The following RSPH10B variants were observed in gnomAD, a reference collection of about 807,000 sequenced individuals.
The protein encoded by RSPH10B is radial spoke head 10 homolog B (Chlamydomonas).
A neutral mutation model predicts 52.5 loss-of-function variants in RSPH10B; 7 were observed. The ratio of observed to expected loss-of-function variants is 0.13; its 90% CI spans 0.08 to 0.25. The LOEUF is 0.25. Among genes scored for constraint, RSPH10B ranks in the 10% least tolerant of loss-of-function variants. The pLI, the probability that RSPH10B is intolerant of heterozygous loss-of-function variation, is 1.00. For synonymous variants in RSPH10B, 28 were observed against 193.2 expected (o/e 0.14, Z 7.09); for missense variants, 89 against 542.5 (o/e 0.16, Z 8.30).
intron 15 of RSPH10B, among the ~76,000 whole-genome samples, chr7:5,937,105 A>AAAT (rs1779961525): frequency 2.3e-5 from 1 of 44,388 alleles, no homozygotes; most frequent in East Asian, 6.4e-3. Flanking sequence ...AAAAAAAAAA[A>AAAT]GAATTAGCTG....
At chr7:5,952,859 C>A (rs1780604519) in intron 8 of RSPH10B, among the ~76,000 whole-genome samples, 1 of 96,900 alleles carries the variant, frequency 1.0e-5, no homozygotes, top group Non-Finnish European at 1.9e-5. Context: ...CCTGCCTCAG[C>A]CTCCTGAGTA....
intron 16 of RSPH10B, among the ~76,000 whole-genome samples, chr7:5,933,254 G>A (rs1779863825): frequency 1.4e-5 from 1 of 69,308 alleles, no homozygotes; most frequent in African/African-American, 5.2e-5. Context: ...CTGACCTCAG[G>A]TGACCTGCCT....
At chr7:5,947,963 C>T (rs1157751376) in intron 10 of RSPH10B, among the ~76,000 whole-genome samples, 535 of 49,296 alleles carry the variant, frequency 0.011, 13 homozygotes, top group Non-Finnish European at 0.018. Flanking sequence ...CCTCCGCCTC[C>T]TGGGTCCAAG....
In RSPH10B at chr7:5,927,805, G is replaced by A. The variant is rs1779581368; in HGVS notation, c.2432+391C>T. On this transcript the variant is annotated intron_variant, in intron 18 of 18. Coordinates refer to ENST00000337579, the Ensembl canonical transcript of RSPH10B. ...ACAAAAATTAGCCAGGCGTGGTGGTGCATGCTTCTAATCCCAGCTGCTCGG... is the reference window on the plus strand; with the variant it reads ...ACAAAAATTAGCCAGGCGTGGTGGTACATGCTTCTAATCCCAGCTGCTCGG... Among the ~76,000 whole-genome samples, 2 of 146,216 alleles carry A rather than the reference G, an allele frequency of 1.4e-5. 1 individual carries two copies. The highest frequency in any genetic ancestry group is 3.0e-5 in the Non-Finnish European group (2 of 66,318).
At chr7:5,954,284 G>C (rs1173544178) in intron 7 of RSPH10B, among the ~76,000 whole-genome samples, 137 of 48,316 alleles carry the variant, frequency 2.8e-3, no homozygotes, top group African/African-American at 0.012. Flanking sequence ...GATTACATGC[G>C]TGCACCACCA....
intron 13 of RSPH10B, among the ~76,000 whole-genome samples, chr7:5,941,689 A>C (rs1210795289): frequency 7.2e-6 from 1 of 139,860 alleles, no homozygotes; most frequent in Non-Finnish European, 1.6e-5. Flanking sequence ...GGTTGCAGTG[A>C]GCCGAGACCT....
intron 13 of RSPH10B, among the ~76,000 whole-genome samples, chr7:5,942,240 GTGTTCCTCCATTTTCCT>G (rs1780232330): frequency 7.1e-6 from 1 of 141,540 alleles, no homozygotes; most frequent in African/African-American, 2.6e-5. Flanking sequence ...AAAGACTAAG[GTGTTCCTCCATTTTCCT>G]TTTTTGTTTT....
chr7:5,960,498 C>T (rs1397979832), intron 4 of RSPH10B, among the ~76,000 whole-genome samples, 193 bp downstream of exon 6: 1 of 27,684 alleles, frequency 3.6e-5, no homozygotes, highest in South Asian at 1.1e-3. Context: ...CCCTGGACAG[C>T]GCCGCTAGCC....
chr7:5,970,393 G>A (rs1464809536), upstream of RSPH10B: 1 of 119,434 alleles, frequency 8.4e-6, no homozygotes, highest in Non-Finnish European at 1.9e-5. Context: ...GTTTCCTAAT[G>A]TTTCCTCTGT....
intron 18 of RSPH10B, among the ~76,000 whole-genome samples, chr7:5,927,066 G>GTGTATATA (rs1554284543): frequency 1.5e-3 from 159 of 107,240 alleles, no homozygotes; most frequent in African/African-American, 4.0e-3. Flanking sequence ...GTGTGTGTGT[G>GTGTATATA]TATATGTGTG....
At chr7:5,961,172 A>G (rs1362237416) in intron 3 of RSPH10B, among the ~76,000 whole-genome samples, 1 of 121,278 alleles carries the variant, frequency 8.2e-6, no homozygotes, top group African/African-American at 3.1e-5. Context: ...TCCAATCCTG[A>G]CCTGGGGAAC....
At chr7:5,932,081 A>C (rs1316715732) in intron 17 of RSPH10B, among the ~76,000 whole-genome samples, 1 of 141,406 alleles carries the variant, frequency 7.1e-6, no homozygotes, top group East Asian at 1.9e-4. Context: ...AGGCCAGCAG[A>C]GTAACAGCGG....
intron 18 of RSPH10B, among the ~76,000 whole-genome samples, chr7:5,927,041 G>GTATATTA (rs1779480755): frequency 5.0e-5 from 2 of 39,808 alleles, no homozygotes; most frequent in South Asian, 7.1e-4. Flanking sequence ...GTGTGTGTGT[G>GTATATTA]TGTGTATTAT....
intron 3 of RSPH10B, 52 bp downstream of exon 5, chr7:5,964,446 CTGAT>C: frequency 3.9e-6 from 2 of 511,662 alleles, no homozygotes; most frequent in South Asian, 2.0e-5. Flanking sequence ...TTGTGGGAAA[CTGAT>C]TGTTCCATCC....
chr7:5,966,251 C>T (rs1392232132), intron 1 of RSPH10B, among the ~76,000 whole-genome samples: 10 of 76,426 alleles, frequency 1.3e-4, no homozygotes, highest in Non-Finnish European at 1.9e-4. Flanking sequence ...ATTTAATAGA[C>T]GGTCGTACAA....
Position 5,944,126 on chromosome 7 carries a change from G to A in RSPH10B, c.1530-136C>T. The A allele has an allele frequency of 5.4e-6, 6 of 1,114,550 alleles. No individual in the cohort carries two copies. The South Asian group carries it at 8.0e-5, about 15-fold the overall frequency. 69.0% of individuals were successfully genotyped at this position (1,114,550 alleles called of 1,614,324 possible). A position where few individuals can be genotyped will look rare whatever the true frequency, so the allele number is the denominator to read the frequency against. The stretch of plus-strand genomic sequence containing the variant: ...AGTATAGAAAGGGAAGGCAAAGTCA[G>A]TGGCTCAAACCTATAATCCCAGCAT... On this transcript the variant is annotated intron_variant, in intron 11 of 18. Coordinates refer to ENST00000337579, the Ensembl canonical transcript of RSPH10B.
chr7:5,927,050 A>ATATATGTGTGTGTATATATATG (rs1779490419), intron 18 of RSPH10B, among the ~76,000 whole-genome samples: 1 of 56,112 alleles, frequency 1.8e-5, no homozygotes, highest in Non-Finnish European at 4.8e-5. Flanking sequence ...TGTGTGTATT[A>ATATATGTGTGTGTATATATATG]TGTGTGTGTG....
chr7:5,940,155 C>T lies in RSPH10B; in HGVS notation c.1759-1326G>A, dbSNP rs1224628837. Among the ~76,000 whole-genome samples the T allele has an allele frequency of 5.0e-3, 537 of 107,332 alleles. 22 individuals carry two copies. Among genetic ancestry groups the T allele is most frequent in the African/African-American group, 0.016 (511 of 31,530 alleles). The allele number at this position is 107,332 out of a possible 152,430, so 70.4% of individuals were successfully genotyped here. On this transcript the variant is annotated intron_variant, in intron 13 of 18. Coordinates refer to ENST00000337579, the Ensembl canonical transcript of RSPH10B. Reference sequence around the variant, plus strand: ...GAGGTTGCAGTGAGGTGAGATCGTGCCACCGCACTCCAGCCTGGGTGACAG... The same window carrying T: ...GAGGTTGCAGTGAGGTGAGATCGTGTCACCGCACTCCAGCCTGGGTGACAG...
intron 13 of RSPH10B, among the ~76,000 whole-genome samples, chr7:5,942,731 G>T (rs551597593): frequency 6.6e-6 from 1 of 150,612 alleles, no homozygotes; most frequent in Admixed American, 6.7e-5. Context: ...GTGTGGTGGC[G>T]GGCACCTGTA....
Sources: gnomAD v4.1 joint callset for allele counts (sites outside exome capture counted in the v4.1 genomes callset) on GRCh38, gnomAD v4.1.1 for gene constraint, MANE v1.5 for transcripts, NCBI Gene and HGNC (gene_info 2026-07-23, HGNC 2026-07-21) for gene names.